TNRC6C: variants seen among roughly 807,000 people sequenced by gnomAD.
TNRC6C encodes trinucleotide repeat containing adaptor 6C, also known as trinucleotide repeat-containing gene 6C protein.
A neutral mutation model predicts 153.7 loss-of-function variants in TNRC6C; 20 were observed. The ratio of observed to expected loss-of-function variants is 0.13; its 90% CI spans 0.09 to 0.19. The LOEUF (loss-of-function observed/expected upper bound fraction) is 0.19, where lower values mean the gene tolerates loss of function less well. Ranked by LOEUF, TNRC6C falls within the 10% of genes least tolerant of loss-of-function variation. The pLI is 1.00. For synonymous variants in TNRC6C, 811 were observed against 841.4 expected (o/e 0.96, Z 0.63); for missense variants, 1,987 against 2,172.0 (o/e 0.91, Z 1.69).
exon 3 of TNRC6C, chr17:78,051,446 C>A: frequency 7.1e-7 from 1 of 1,408,648 alleles, no homozygotes; most frequent in South Asian, 1.7e-5. Context: ...TTGCTTGGTC[C>A]AGGTAGGAAA....
intron 1 of TNRC6C, among the ~76,000 whole-genome samples, chr17:77,978,022 G>T (rs968901336): frequency 6.6e-6 from 1 of 151,042 alleles, no homozygotes; most frequent in Non-Finnish European, 1.5e-5. Flanking sequence ...CAGCCTCCTG[G>T]GTAGCTGGGA....
upstream of TNRC6C, among the ~76,000 whole-genome samples, chr17:78,002,996 A>G (rs930908754): frequency 6.6e-6 from 1 of 152,208 alleles, no homozygotes; most frequent in Non-Finnish European, 1.5e-5. Flanking sequence ...GGTGCCATGT[A>G]AATAGTGATA....
rs1194650433 is a variant in TNRC6C, at chr17:78,084,487, T to C, written c.3477+1321T>C. On this transcript the variant is annotated intron_variant, in intron 11 of 19. Transcript: ENST00000301624. ...CTTTTCTGTAAGCAGCAGGGGAGGATAGAAGGAAGGAGGGAAGGACGTGTC... is the reference window on the plus strand; with the variant it reads ...CTTTTCTGTAAGCAGCAGGGGAGGACAGAAGGAAGGAGGGAAGGACGTGTC... 2.6e-5 allele frequency among the ~76,000 whole-genome samples: 4 copies of C among 151,866 alleles called. No homozygotes were observed. The East Asian group carries it at 5.8e-4, about 22-fold the overall frequency.
intron 1 of TNRC6C, among the ~76,000 whole-genome samples, chr17:78,007,124 C>T (rs1193037157): frequency 1.3e-5 from 2 of 152,118 alleles, no homozygotes; most frequent in East Asian, 3.9e-4. Context: ...GGATTACAGG[C>T]GTGAGCCACC....
At chr17:78,013,746 C>T (rs1303085998) in intron 1 of TNRC6C, among the ~76,000 whole-genome samples, 1 of 152,098 alleles carries the variant, frequency 6.6e-6, no homozygotes, top group African/African-American at 2.4e-5. Context: ...CCAACTAGGC[C>T]AGGGAACACT....
intron 16 of TNRC6C, chr17:78,097,774 A>G (rs1179385891): frequency 1.3e-6 from 2 of 1,550,944 alleles, no homozygotes; most frequent in East Asian, 4.9e-5. Flanking sequence ...TCAGAATGCC[A>G]CGCTGCCTTC....
At chr17:77,994,697 G>T (rs1194005526) in intron 1 of TNRC6C, among the ~76,000 whole-genome samples, 1 of 151,754 alleles carries the variant, frequency 6.6e-6, no homozygotes, top group Admixed American at 6.6e-5. Context: ...TTCTAAACTT[G>T]CCCAAATATG....
chr17:78,011,580 T>TCTC, intron 1 of TNRC6C, among the ~76,000 whole-genome samples: 1 of 152,350 alleles, frequency 6.6e-6, no homozygotes, highest in Middle Eastern at 3.4e-3. Flanking sequence ...TCCTCTTCAT[T>TCTC]CTCCTGTTCA....
chr17:78,050,745 C>T (rs781510610), exon 3 of TNRC6C: 40 of 1,592,042 alleles, frequency 2.5e-5, no homozygotes, highest in East Asian at 1.1e-4. Flanking sequence ...GGAGTGGGGC[C>T]GCAAATCAGG....
In TNRC6C at chr17:78,086,460, C is replaced by T. The variant is rs368786597; in HGVS notation, c.3478-43C>T. On this transcript the variant is annotated intron_variant, in intron 11 of 19. Coordinates refer to ENST00000301624, the Ensembl canonical transcript of TNRC6C. Reference sequence around the variant, plus strand: ...AAAGTTGAACCATTAGTTCAACTTACACTTAATTATCATACTATTTTAACT... The same window carrying T: ...AAAGTTGAACCATTAGTTCAACTTATACTTAATTATCATACTATTTTAACT... 151 of 1,537,976 alleles carry T rather than the reference C, an allele frequency of 9.8e-5. No individual in the cohort carries two copies. In the African/African-American group the frequency reaches 1.9e-3, roughly 19 times the overall value.
intron 1 of TNRC6C, among the ~76,000 whole-genome samples, chr17:78,020,779 T>G (rs1354583619): frequency 6.6e-6 from 1 of 152,182 alleles, no homozygotes; most frequent in Non-Finnish European, 1.5e-5. Context: ...TGGTGCTAAG[T>G]CTTTAGAATC....
At chr17:78,016,887 C>T (rs909465416) in intron 1 of TNRC6C, among the ~76,000 whole-genome samples, 5 of 152,178 alleles carry the variant, frequency 3.3e-5, no homozygotes, top group South Asian at 2.1e-4. Flanking sequence ...TTTATCCCCC[C>T]GCCCTTGCCC....
chr17:78,042,779 A>ATGG (rs779548021), intron 2 of TNRC6C, among the ~76,000 whole-genome samples: 18 of 151,360 alleles, frequency 1.2e-4, no homozygotes, highest in East Asian at 3.9e-4. Context: ...GGTGGTGCTG[A>ATGG]TGGTGGTGGT....
intron 6 of TNRC6C, among the ~76,000 whole-genome samples, chr17:78,072,689 C>A (rs957583074): frequency 1.3e-5 from 2 of 152,106 alleles, no homozygotes; most frequent in Non-Finnish European, 2.9e-5. Flanking sequence ...TTGAGACCAG[C>A]CAGGGCAACA....
At chr17:78,098,455 G>A in exon 17 of TNRC6C, 1 of 1,613,996 alleles carries the variant, frequency 6.2e-7, no homozygotes, top group Non-Finnish European at 8.5e-7. Flanking sequence ...CACCCACGAG[G>A]CCACCTCCAG....
chr17:78,017,309 G>A (rs1440248009), intron 1 of TNRC6C, among the ~76,000 whole-genome samples: 2 of 149,864 alleles, frequency 1.3e-5, no homozygotes, highest in African/African-American at 2.5e-5. Flanking sequence ...ACCTCAGCGT[G>A]CTCCCACTCC....
chr17:78,013,480 A>T (rs948732568), intron 1 of TNRC6C, among the ~76,000 whole-genome samples: 1 of 152,210 alleles, frequency 6.6e-6, no homozygotes, highest in African/African-American at 2.4e-5. Flanking sequence ...TAATCATTTG[A>T]TCCAGCAGAT....
chr17:77,986,779 T>C (rs1458529865), intron 1 of TNRC6C, among the ~76,000 whole-genome samples: 2 of 152,184 alleles, frequency 1.3e-5, no homozygotes, highest in African/African-American at 4.8e-5. Flanking sequence ...ATTTGATGTA[T>C]GAAGAGCCAT....
At chr17:78,009,966 C>T (rs976501002) in intron 1 of TNRC6C, among the ~76,000 whole-genome samples, 4 of 152,132 alleles carry the variant, frequency 2.6e-5, no homozygotes, top group East Asian at 1.9e-4. Flanking sequence ...TCACTGCAGC[C>T]ACCACCTCCG....
Sources: gnomAD v4.1 joint callset for allele counts (sites outside exome capture counted in the v4.1 genomes callset) on GRCh38, gnomAD v4.1.1 for gene constraint, MANE v1.5 for transcripts, NCBI Gene and HGNC (gene_info 2026-07-23, HGNC 2026-07-21) for gene names.